Variants in DCDC2 observed in about 807,000 individuals in gnomAD.
DCDC2 encodes doublecortin domain-containing protein 2.
In DCDC2, 40 loss-of-function variants were observed where a neutral mutation model predicts 50.2. The observed-to-expected ratio is 0.80, with a 90% confidence interval of 0.62 to 1.04. The LOEUF (loss-of-function observed/expected upper bound fraction) is 1.04. Among genes scored for constraint, DCDC2 ranks in the 50% least tolerant of loss-of-function variants. The pLI is 0.00. For missense variants in DCDC2, 570 were observed against 581.9 expected (o/e 0.98, Z 0.21); for synonymous variants, 234 against 210.6 (o/e 1.11, Z -0.96).
intron 7 of DCDC2, among the ~76,000 whole-genome samples, chr6:24,270,802 G>A (rs1332744972): frequency 6.6e-6 from 1 of 152,166 alleles, no homozygotes; most frequent in Middle Eastern, 3.2e-3. Context: ...ATTCCAGGAT[G>A]AAATGCTCAG....
chr6:24,328,116 G>T (rs1039850293), intron 2 of DCDC2, among the ~76,000 whole-genome samples: 8 of 152,202 alleles, frequency 5.3e-5, no homozygotes, highest in Non-Finnish European at 1.2e-4. Flanking sequence ...ATTTGCTCAA[G>T]AACCAAAGAG....
intron 2 of DCDC2, among the ~76,000 whole-genome samples, chr6:24,332,861 A>G (rs1759990657): frequency 6.6e-6 from 1 of 152,194 alleles, no homozygotes; most frequent in Non-Finnish European, 1.5e-5. Flanking sequence ...TGGTATAAAA[A>G]TGAGTATAAA....
intron 2 of DCDC2, among the ~76,000 whole-genome samples, chr6:24,343,542 C>T (rs1760200384): frequency 6.6e-6 from 1 of 152,194 alleles, no homozygotes; most frequent in Admixed American, 6.5e-5. Context: ...TAAGCTCATT[C>T]TAATAATTAT....
intron 7 of DCDC2, among the ~76,000 whole-genome samples, chr6:24,275,921 G>A (rs1469845748): frequency 7.5e-6 from 1 of 132,642 alleles, no homozygotes; most frequent in Non-Finnish European, 1.5e-5. Context: ...CCAGGCTGGA[G>A]TGCAGTGACA....
In DCDC2 at chr6:24,174,827, A is replaced by G. The variant is rs753419903; in HGVS notation, c.1334T>C (p.Val445Ala). ...TGGCCTTGGTGGTCTTTGAGGGTCT[A>G]CATCAGCCTAGAAGAAAATAGATCA... ...GAGSGQDEADVDPQRPPRPEV... is the reference protein window; with the variant it reads ...GAGSGQDEADADPQRPPRPEV... The change falls in exon 10 of 10, where the codon GTA becomes GCA. Residue 445 changes from valine to alanine, a missense_variant. Coordinates refer to ENST00000378454, the MANE Select transcript of DCDC2 (RefSeq NM_016356.5). The G allele has an allele frequency of 1.2e-6, 2 of 1,610,550 alleles. No individual in the cohort carries two copies. The highest frequency in any genetic ancestry group is 1.7e-6 in the Non-Finnish European group (2 of 1,177,416).
intron 8 of DCDC2, among the ~76,000 whole-genome samples, chr6:24,179,472 C>G (rs1392224431): frequency 1.5e-5 from 2 of 134,358 alleles, no homozygotes; most frequent in African/African-American, 5.6e-5. Flanking sequence ...GGCGTGAACC[C>G]AGGAGGCAGA....
chr6:24,310,859 C>T (rs933561125), intron 2 of DCDC2, among the ~76,000 whole-genome samples: 1 of 151,920 alleles, frequency 6.6e-6, no homozygotes, highest in South Asian at 2.1e-4. Flanking sequence ...CAGGACACAT[C>T]GTTACCACTG....
upstream of DCDC2, among the ~76,000 whole-genome samples, chr6:24,359,355 A>ATATATTATATATTATATATATTT (rs1561789478): frequency 2.0e-3 from 67 of 33,484 alleles, 4 homozygotes; most frequent in African/African-American, 0.011. Flanking sequence ...TATATATTTT[A>ATATATTATATATTATATATATTT]TGTATATTAT....
chr6:24,274,194 T>G (rs926655004), intron 7 of DCDC2, among the ~76,000 whole-genome samples: 2 of 152,240 alleles, frequency 1.3e-5, no homozygotes, highest in Non-Finnish European at 2.9e-5. Context: ...TACAGAGACC[T>G]AAATTCACTA....
intron 6 of DCDC2, among the ~76,000 whole-genome samples, chr6:24,287,251 C>T (rs903919610): frequency 3.9e-5 from 6 of 152,330 alleles, no homozygotes; most frequent in African/African-American, 1.2e-4. Context: ...TCCCGGGGCT[C>T]GGGAGCAGGA....
chr6:24,224,349 C>T (rs956384604), intron 7 of DCDC2, among the ~76,000 whole-genome samples: 3 of 152,180 alleles, frequency 2.0e-5, no homozygotes, highest in Non-Finnish European at 4.4e-5. Context: ...AAGGAAATGG[C>T]TATGTATGCA....
At chr6:24,237,799 C>T (rs929427139) in intron 7 of DCDC2, among the ~76,000 whole-genome samples, 1 of 152,030 alleles carries the variant, frequency 6.6e-6, no homozygotes. Context: ...AGCCATTATC[C>T]TAAGCAAACT....
intron 7 of DCDC2, among the ~76,000 whole-genome samples, chr6:24,274,759 GA>G (rs1346171873): frequency 6.6e-6 from 1 of 151,280 alleles, no homozygotes; most frequent in Non-Finnish European, 1.5e-5. Context: ...AAAAAATAAC[GA>G]AAAAATATGT....
chr6:24,301,674 A>C (rs375617552), intron 4 of DCDC2, 41 bp downstream of exon 4: 1 of 1,605,954 alleles, frequency 6.2e-7, no homozygotes, highest in East Asian at 2.2e-5. Context: ...TATCTTCAAC[A>C]ATTCAAAAAC....
chr6:24,360,816 A>T (rs1310180488), upstream of DCDC2, among the ~76,000 whole-genome samples: 2 of 152,172 alleles, frequency 1.3e-5, no homozygotes, highest in African/African-American at 4.8e-5. Context: ...AAGGCACTTT[A>T]TGTAGATTAT....
chr6:24,330,793 A>G (rs565119338), intron 2 of DCDC2, among the ~76,000 whole-genome samples: 1 of 152,350 alleles, frequency 6.6e-6, no homozygotes, highest in Non-Finnish European at 1.5e-5. Flanking sequence ...GAATAAGAGA[A>G]GTCTAGGTAG....
intron 8 of DCDC2, among the ~76,000 whole-genome samples, chr6:24,203,450 T>G (rs1034681279): frequency 2.6e-5 from 4 of 152,228 alleles, no homozygotes; most frequent in African/African-American, 9.6e-5. Flanking sequence ...AAACTGGAAC[T>G]GGACCCCTTT....
At chr6:24,310,599 A>G (rs1302747492) in intron 2 of DCDC2, among the ~76,000 whole-genome samples, 2 of 152,186 alleles carry the variant, frequency 1.3e-5, no homozygotes, top group Admixed American at 1.3e-4. Context: ...GTTTATGACC[A>G]ACATCATTTT....
intron 2 of DCDC2, among the ~76,000 whole-genome samples, chr6:24,343,917 T>G (rs1760206670): frequency 6.6e-6 from 1 of 152,220 alleles, no homozygotes; most frequent in Non-Finnish European, 1.5e-5. Context: ...TGTGGGATGA[T>G]TAAATCAAGC....
Sources: gnomAD v4.1 joint callset for allele counts (sites outside exome capture counted in the v4.1 genomes callset) on GRCh38, gnomAD v4.1.1 for gene constraint, MANE v1.5 for transcripts, NCBI Gene and HGNC (gene_info 2026-07-23, HGNC 2026-07-21) for gene names.